The following MSANTD2 variants were observed in gnomAD, a reference collection of about 807,000 sequenced individuals.
MSANTD2 encodes the protein myb/SANT-like DNA-binding domain-containing protein 2.
Under a neutral mutation model 52.6 loss-of-function variants are expected in MSANTD2, and 19 were observed. The observed-to-expected ratio is 0.36, with a 90% CI of 0.25 to 0.53. The LOEUF (loss-of-function observed/expected upper bound fraction) is 0.53. Among genes scored for constraint, MSANTD2 ranks in the 20% least tolerant of loss-of-function variants. MSANTD2 has a pLI of 0.91. For synonymous variants in MSANTD2, 291 were observed against 289.7 expected, an observed-to-expected ratio of 1.00 and a Z score of -0.04; for missense variants, 558 against 716.3, an observed-to-expected ratio of 0.78 and a Z score of 2.52.
At chr11:124,782,799 A>ACCCAT (rs1945026259) in intron 1 of MSANTD2, among the ~76,000 whole-genome samples, 1 of 152,226 alleles carries the variant, frequency 6.6e-6, no homozygotes. Flanking sequence ...GTAAATCACT[A>ACCCAT]GCAAGAGGAT....
intron 2 of MSANTD2, 97 bp from the exon 3 acceptor site, chr11:124,773,151 T>G: frequency 1.4e-6 from 1 of 700,034 alleles, no homozygotes; most frequent in Admixed American, 2.6e-5. Flanking sequence ...TTCCATACTT[T>G]CCAAAACCAG....
chr11:124,800,104 C>T lies in MSANTD2; in HGVS notation c.277G>A (p.Ala93Thr). Residue 93 changes from alanine (A) to threonine (T), a missense_variant, in exon 1 of 4, where the codon GCA becomes ACA. Ala to Thr is a moderately conservative substitution (Grantham distance 58). Coordinates refer to ENST00000374979, the MANE Select transcript of MSANTD2 (RefSeq NM_001308027.2). This position sits in a 1 kb window ranked among gnomAD's most constrained non-coding sequence, Gnocchi z 4.3. ...CCCCGGCAGGCGGCGGCGGCGGCTG[C>T]CGCAGCCCCGCCACCGCCGCCACCA... The part of the protein sequence containing the change: ...SPGGGGGGAA[A>T]AAAAACRGMS... 2 of 1,481,966 alleles carry T rather than the reference C, an allele frequency of 1.3e-6. No homozygotes were observed. The highest frequency in any genetic ancestry group is 1.5e-5 in the African/African-American group (1 of 67,528). 91.8% of individuals were successfully genotyped at this position (1,481,966 alleles called of 1,614,324 possible). A position where few individuals can be genotyped will look rare whatever the true frequency, so the allele number is the denominator to read the frequency against.
intron 3 of MSANTD2, 146 bp downstream of exon 3, chr11:124,772,848 C>T (rs1414550429): frequency 1.6e-6 from 1 of 636,498 alleles, no homozygotes; most frequent in Non-Finnish European, 2.8e-6. Flanking sequence ...TTAAGTGAGT[C>T]CCTGATTAAA....
At chr11:124,788,083 A>G (rs1391637812) in intron 1 of MSANTD2, among the ~76,000 whole-genome samples, 1 of 146,114 alleles carries the variant, frequency 6.8e-6, no homozygotes, top group East Asian at 2.0e-4. Context: ...CCCTGTCTCA[A>G]AAAAAAAAAA....
chr11:124,793,653 T>C (rs1202829678), intron 1 of MSANTD2, among the ~76,000 whole-genome samples: 4 of 152,222 alleles, frequency 2.6e-5, no homozygotes, highest in Non-Finnish European at 4.4e-5. Flanking sequence ...TACTGGACAG[T>C]GCAAATTCAG....
intron 1 of MSANTD2, among the ~76,000 whole-genome samples, 157 bp downstream of exon 1, chr11:124,799,714 C>T (rs1440146894): frequency 6.6e-6 from 1 of 152,240 alleles, no homozygotes; most frequent in Non-Finnish European, 1.5e-5. Flanking sequence ...GAAAAAGCCC[C>T]CTTCCCAGGG....
In MSANTD2 at chr11:124,767,049, G is replaced by A. The variant is rs1461347194; in HGVS notation, c.*127C>T. ...ACTATGATTCCTTAGAAGTCGTACT[G>A]GCCCAATTGAAGAAAGGGTTTCCAT... On this transcript the variant is annotated 3_prime_UTR_variant, in exon 4 of 4. Transcript: ENST00000374979. The surrounding 1 kb of genome is among the most constrained non-coding windows in gnomAD (Gnocchi z 6.5). The A allele has an allele frequency of 1.5e-5, 14 of 948,662 alleles. No homozygotes were observed. Among genetic ancestry groups the A allele is most frequent in the Admixed American group, 4.8e-5 (2 of 41,764 alleles). 58.8% of individuals were successfully genotyped at this position (948,662 alleles called of 1,614,324 possible).
intron 3 of MSANTD2, among the ~76,000 whole-genome samples, chr11:124,770,299 T>C (rs1944455906): frequency 7.0e-6 from 1 of 142,152 alleles, no homozygotes. Flanking sequence ...AATAACTCTT[T>C]TTTTTTGTTT....
intron 1 of MSANTD2, among the ~76,000 whole-genome samples, chr11:124,793,289 A>G (rs1485930886): frequency 3.9e-5 from 6 of 152,236 alleles, no homozygotes; most frequent in African/African-American, 1.4e-4. Context: ...TGTATTTTTC[A>G]GATTCAGTTT....
rs140622652 is a variant in MSANTD2 at position 124,779,446 on chromosome 11, T to C, written c.511-4472A>G. ...AATAATTTTCTCAAAGTTTGCCCCA[T>C]TTCATACAATCATAAAATATTCACC... On this transcript the variant is annotated intron_variant, in intron 1 of 3. Transcript: ENST00000374979. The surrounding 1 kb of genome is among the most constrained non-coding windows in gnomAD (Gnocchi z 4.6). Among the ~76,000 whole-genome samples, 45 of 152,306 alleles carry C rather than the reference T, an allele frequency of 3.0e-4. 1 individual carries two copies. The highest frequency in any genetic ancestry group is 9.9e-4 in the African/African-American group (41 of 41,560).
Position 124,767,656 on chromosome 11 carries a change from G to A in MSANTD2, c.1200C>T (p.Ser400=), listed in dbSNP as rs755807123. The A allele has an allele frequency of 6.2e-7, 1 of 1,614,206 alleles. No individual in the cohort carries two copies. Among genetic ancestry groups the A allele is most frequent in the South Asian group, 1.1e-5 (1 of 91,086 alleles). ...GAACAACATTCCCACCAGTTGGTTT[G>A]GAGTGGGCAATGGGTATCCAGTCAA... The part of the protein sequence containing the change: ...MEIDWIPIAH[S]KPTGGNVVQY... Residue 400 remains serine, a synonymous_variant, in exon 4 of 4, where the codon TCC becomes TCT. Transcript: ENST00000374979. The surrounding 1 kb of genome is among the most constrained non-coding windows in gnomAD (Gnocchi z 6.5).
At chr11:124,782,306 T>A (rs2135251236) in intron 1 of MSANTD2, among the ~76,000 whole-genome samples, 1 of 149,904 alleles carries the variant, frequency 6.7e-6, no homozygotes, top group East Asian at 2.0e-4. Flanking sequence ...AAAAAATTAG[T>A]CTGGGTGTGG....
intron 2 of MSANTD2, 93 bp from the exon 3 acceptor site, chr11:124,773,147 A>G (rs1944602845): frequency 1.4e-6 from 1 of 708,846 alleles, no homozygotes; most frequent in Non-Finnish European, 2.5e-6. Context: ...ATCATTCCAT[A>G]CTTTCCAAAA....
intron 1 of MSANTD2, chr11:124,784,456 C>T: frequency 2.0e-6 from 2 of 978,124 alleles, no homozygotes; most frequent in Non-Finnish European, 2.4e-6. Context: ...CTAATTATTC[C>T]ATGGACAACC....
chr11:124,787,815 C>T (rs1373425282), intron 1 of MSANTD2, among the ~76,000 whole-genome samples: 2 of 152,022 alleles, frequency 1.3e-5, no homozygotes, highest in African/African-American at 4.8e-5. Flanking sequence ...TAGATAAAAG[C>T]CAATTAGTGC....
At chr11:124,776,531 A>G (rs1944752195) in intron 1 of MSANTD2, among the ~76,000 whole-genome samples, 1 of 152,248 alleles carries the variant, frequency 6.6e-6, no homozygotes, top group African/African-American at 2.4e-5. Flanking sequence ...TCCCGACCTC[A>G]GGTGATCCGC....
At chr11:124,794,594 G>T (rs139405946) in intron 1 of MSANTD2, among the ~76,000 whole-genome samples, 1 of 152,174 alleles carries the variant, frequency 6.6e-6, no homozygotes, top group Non-Finnish European at 1.5e-5. Flanking sequence ...GTCTGCAAAC[G>T]CCAAAGAGAA....
chr11:124,788,964 T>C (rs533538560), intron 1 of MSANTD2, among the ~76,000 whole-genome samples: 1 of 152,248 alleles, frequency 6.6e-6, no homozygotes, highest in Non-Finnish European at 1.5e-5. Flanking sequence ...TCACATTATT[T>C]TCTACCAAAA....
intron 3 of MSANTD2, among the ~76,000 whole-genome samples, chr11:124,770,968 G>A (rs55785829): frequency 0.031 from 4,761 of 151,994 alleles, 115 homozygotes; most frequent in Non-Finnish European, 0.049. Context: ...TCCTGACCTC[G>A]TGATCTGCCT....
Sources: gnomAD v4.1 joint callset for allele counts (sites outside exome capture counted in the v4.1 genomes callset) on GRCh38, gnomAD v4.1.1 for gene constraint, Gnocchi (gnomAD v3.1) non-coding constraint, MANE v1.5 for transcripts, NCBI Gene and HGNC (gene_info 2026-07-23, HGNC 2026-07-21) for gene names.